PPP2R5E: variants seen among roughly 807,000 people sequenced by gnomAD.
PPP2R5E encodes the protein protein phosphatase 2 regulatory subunit B'epsilon, also known as serine/threonine-protein phosphatase 2A 56 kDa regulatory subunit epsilon isoform.
A neutral mutation model predicts 65.3 loss-of-function variants in PPP2R5E; 4 were observed. The ratio of observed to expected loss-of-function variants is 0.06; its 90% confidence interval spans 0.03 to 0.14. The LOEUF is 0.14. Among genes scored for constraint, PPP2R5E ranks in the 10% least tolerant of loss-of-function variants. PPP2R5E has a pLI of 1.00. For missense variants in PPP2R5E, 274 were observed against 556.1 expected, an observed-to-expected ratio of 0.49 and a Z score of 5.10; for synonymous variants, 183 against 187.4, an observed-to-expected ratio of 0.98 and a Z score of 0.19.
At chr14:63,484,386 C>T (rs989250035) in intron 2 of PPP2R5E, among the ~76,000 whole-genome samples, 2 of 149,660 alleles carry the variant, frequency 1.3e-5, no homozygotes, top group African/African-American at 2.5e-5. Flanking sequence ...CACACACACA[C>T]AAAGAATCGT....
At chr14:63,476,931 G>A (rs1221227931) in intron 2 of PPP2R5E, among the ~76,000 whole-genome samples, 2 of 152,150 alleles carry the variant, frequency 1.3e-5, no homozygotes, top group Non-Finnish European at 2.9e-5. Flanking sequence ...CTGTAGAGTA[G>A]TAGAGTCTGT....
rs552866001 is a variant in PPP2R5E, at chr14:63,532,873, TGCCCAG to T, written c.157+6650_157+6655del. On this transcript the variant is annotated intron_variant, in intron 2 of 13. Coordinates refer to ENST00000337537, the MANE Select transcript of PPP2R5E (RefSeq NM_006246.5). ...TTTTTGAGACAGCATTTCACTCTGT[TGCCCAG>T]GCTCAAGTGCAGTGGCACAATCACA... Among the ~76,000 whole-genome samples the T allele has an allele frequency of 1.6e-4, 24 of 152,344 alleles. No homozygotes were observed. In the South Asian group the frequency reaches 5.0e-3, roughly 32 times the overall value.
At chr14:63,383,766 A>C (rs1460720432) in intron 12 of PPP2R5E, among the ~76,000 whole-genome samples, 1 of 152,184 alleles carries the variant, frequency 6.6e-6, no homozygotes, top group Non-Finnish European at 1.5e-5. Context: ...TTTAACTTTC[A>C]TAGGGCTGGA....
intron 2 of PPP2R5E, among the ~76,000 whole-genome samples, chr14:63,511,389 C>A (rs926439592): frequency 3.9e-5 from 6 of 152,118 alleles, no homozygotes; most frequent in East Asian, 1.9e-4. Flanking sequence ...CCTTGCCAAC[C>A]GTCATGTATG....
chr14:63,483,029 G>A (rs1890791303), intron 2 of PPP2R5E, among the ~76,000 whole-genome samples: 1 of 152,156 alleles, frequency 6.6e-6, no homozygotes, highest in African/African-American at 2.4e-5. Flanking sequence ...TATAGGCCAG[G>A]CCCAGTGGCT....
At chr14:63,463,600 C>CTTTTTT (rs534076468) in intron 2 of PPP2R5E, among the ~76,000 whole-genome samples, 2 of 139,220 alleles carry the variant, frequency 1.4e-5, no homozygotes, top group African/African-American at 5.3e-5. Context: ...CTCGAATTCG[C>CTTTTTT]TTTTTTTTTT....
intron 2 of PPP2R5E, among the ~76,000 whole-genome samples, chr14:63,498,363 C>T (rs1053285757): frequency 2.3e-5 from 3 of 132,440 alleles, no homozygotes; most frequent in African/African-American, 7.4e-5. Flanking sequence ...AACCTCTTGA[C>T]ATCATTTCTT....
chr14:63,384,926 CCT>C (rs1367236817), intron 11 of PPP2R5E, among the ~76,000 whole-genome samples: 2 of 152,212 alleles, frequency 1.3e-5, no homozygotes, highest in Non-Finnish European at 2.9e-5. Context: ...GATCTCCTGA[CCT>C]CGTGATCCGC....
Position 63,376,047 on chromosome 14 carries a change from T to G in PPP2R5E, c.1366A>C (p.Lys456Gln). The G allele has an allele frequency of 1.2e-6, 2 of 1,609,314 alleles. No individual in the cohort carries two copies. The highest frequency in any genetic ancestry group is 1.1e-5 in the South Asian group (1 of 90,946). Residue 456 changes from lysine (K) to glutamine (Q), a missense_variant, in exon 14 of 14, where the codon AAG becomes CAG. This residue lies in a region of PPP2R5E where 129 missense variants were observed against 254.9 expected (regional missense o/e 0.51). Coordinates refer to ENST00000337537, the MANE Select transcript of PPP2R5E (RefSeq NM_006246.5). ...LWKKLEDLELKRGLRRDGIIP... is the reference protein window; with the variant it reads ...LWKKLEDLELQRGLRRDGIIP... ...ATTCCATCACGTCTAAGACCTCTCT[T>G]TAACTCCAGATCCTCCAATTTTTTC... is the stretch of plus-strand genomic sequence containing the variant.
intron 3 of PPP2R5E, among the ~76,000 whole-genome samples, chr14:63,432,295 A>C (rs1253182040): frequency 6.6e-6 from 1 of 152,218 alleles, no homozygotes; most frequent in Non-Finnish European, 1.5e-5. Context: ...TGCTGTTAGA[A>C]GCAGTCGGAG....
At chr14:63,437,098 C>T (rs564549640) in intron 3 of PPP2R5E, among the ~76,000 whole-genome samples, 1 of 152,178 alleles carries the variant, frequency 6.6e-6, no homozygotes, top group East Asian at 1.9e-4. Context: ...CACCGCTACA[C>T]CATGGTACTA....
At chr14:63,416,657 C>A (rs1015205795) in intron 4 of PPP2R5E, among the ~76,000 whole-genome samples, 6 of 150,980 alleles carry the variant, frequency 4.0e-5, no homozygotes, top group Non-Finnish European at 7.4e-5. Context: ...TAAAATTTCA[C>A]TGTTTCATTT....
intron 5 of PPP2R5E, among the ~76,000 whole-genome samples, chr14:63,397,456 C>T (rs1885464622): frequency 7.3e-6 from 1 of 137,028 alleles, no homozygotes; most frequent in African/African-American, 2.8e-5. Flanking sequence ...GAGCTGCGAT[C>T]GCGCCATTGC....
At chr14:63,444,174 A>G (rs1266401986) in intron 3 of PPP2R5E, among the ~76,000 whole-genome samples, 1 of 152,192 alleles carries the variant, frequency 6.6e-6, no homozygotes, top group African/African-American at 2.4e-5. Flanking sequence ...ACACATATAC[A>G]CATAACACTG....
At chr14:63,436,464 C>T (rs1024856078) in intron 3 of PPP2R5E, among the ~76,000 whole-genome samples, 5 of 152,216 alleles carry the variant, frequency 3.3e-5, no homozygotes, top group Non-Finnish European at 5.9e-5. Flanking sequence ...ATGTGCACGT[C>T]TCTGTGTGTG....
chr14:63,383,843 G>GC, intron 12 of PPP2R5E, among the ~76,000 whole-genome samples: 1 of 152,102 alleles, frequency 6.6e-6, no homozygotes, highest in Non-Finnish European at 1.5e-5. Context: ...GACTGAGTTG[G>GC]CTGTTAAATA....
intron 2 of PPP2R5E, among the ~76,000 whole-genome samples, chr14:63,474,847 A>G (rs919470725): frequency 3.3e-5 from 5 of 152,190 alleles, no homozygotes; most frequent in Non-Finnish European, 5.9e-5. Flanking sequence ...AAGAGTGCAG[A>G]AAGTGAAGCA....
chr14:63,379,059 C>A (rs1200630716), intron 13 of PPP2R5E, among the ~76,000 whole-genome samples: 6 of 150,524 alleles, frequency 4.0e-5, no homozygotes, highest in African/African-American at 1.5e-4. Flanking sequence ...GACGGAGTCT[C>A]GCTCTGTCGC....
chr14:63,425,338 T>C (rs1555359209), intron 3 of PPP2R5E, among the ~76,000 whole-genome samples: 1 of 152,384 alleles, frequency 6.6e-6, no homozygotes, highest in African/African-American at 2.4e-5. Flanking sequence ...CAGCCAGCTA[T>C]AATGTAATTG....
Sources: allele counts gnomAD v4.1 joint callset (sites outside exome capture counted in the v4.1 genomes callset), GRCh38; gene constraint gnomAD v4.1.1; regional missense constraint gnomAD v4.1.1; transcripts MANE v1.5; gene names NCBI Gene and HGNC (gene_info 2026-07-23, HGNC 2026-07-21).